TNPO1: variants seen among roughly 807,000 people sequenced by gnomAD.
TNPO1 encodes transportin-1.
A neutral mutation model predicts 119.5 loss-of-function variants in TNPO1; 8 were observed. The ratio of observed to expected loss-of-function variants is 0.07; its 90% CI spans 0.04 to 0.12. The LOEUF (loss-of-function observed/expected upper bound fraction) is 0.12, where lower values mean the gene tolerates loss of function less well. TNPO1 is among the 10% of genes least tolerant of loss of function. The probability of loss-of-function intolerance (pLI) is 1.00; values close to 1 mark genes in which losing one functional copy is unlikely to be tolerated. For synonymous variants in TNPO1, 362 were observed against 363.0 expected, an observed-to-expected ratio of 1.00 and a Z score of 0.03; for missense variants, 576 against 1,089.8, an observed-to-expected ratio of 0.53 and a Z score of 6.64.
In TNPO1 at chr5:72,914,298, A is replaced by G. The variant is rs1394489570; in HGVS notation, c.*5625A>G. 1 of 152,630 alleles carries G rather than the reference A, an allele frequency of 6.6e-6. No homozygotes were observed. Among genetic ancestry groups the G allele is most frequent in the Non-Finnish European group, 1.5e-5 (1 of 68,012 alleles). 9.5% of individuals were successfully genotyped at this position (152,630 alleles called of 1,614,324 possible). A position where few individuals can be genotyped will look rare whatever the true frequency, so the allele number is the denominator to read the frequency against. On this transcript the variant is annotated 3_prime_UTR_variant, in exon 25 of 25. Coordinates refer to ENST00000337273, the MANE Select transcript of TNPO1 (RefSeq NM_002270.4). ...ATGCAGAGAATATATATTGTACTGTAGTAATTTTGTATTTACATTTGTATG... is the reference window on the plus strand; with the variant it reads ...ATGCAGAGAATATATATTGTACTGTGGTAATTTTGTATTTACATTTGTATG...
chr5:72,893,300 G>T, intron 16 of TNPO1, 54 bp downstream of exon 16: 2 of 1,605,028 alleles, frequency 1.2e-6, no homozygotes, highest in Non-Finnish European at 8.5e-7. Context: ...TTTTTCTAAA[G>T]ATAGGTATAA....
At chr5:72,822,859 C>CTGGGATTA (rs1287563860) in intron 1 of TNPO1, among the ~76,000 whole-genome samples, 1 of 148,318 alleles carries the variant, frequency 6.7e-6, no homozygotes, top group Non-Finnish European at 1.5e-5. Context: ...TCCCAAAGTG[C>CTGGGATTA]TGGGATTACA....
intron 8 of TNPO1, among the ~76,000 whole-genome samples, chr5:72,876,506 A>C (rs1747786024): frequency 6.6e-6 from 1 of 152,220 alleles, no homozygotes; most frequent in Admixed American, 6.5e-5. Flanking sequence ...ATGAAAAATT[A>C]TCTTTATAAT....
chr5:72,838,242 G>A (rs997655494), intron 1 of TNPO1, among the ~76,000 whole-genome samples: 1 of 152,110 alleles, frequency 6.6e-6, no homozygotes, highest in African/African-American at 2.4e-5. Context: ...ACTTAATAAA[G>A]GATAGCTTTG....
At chr5:72,851,983 A>G (rs1343619922) in intron 3 of TNPO1, among the ~76,000 whole-genome samples, 1 of 152,206 alleles carries the variant, frequency 6.6e-6, no homozygotes, top group Non-Finnish European at 1.5e-5. Flanking sequence ...AAAAAATTGA[A>G]AGGTCATATA....
intron 21 of TNPO1, among the ~76,000 whole-genome samples, chr5:72,900,340 T>G (rs72764821): frequency 0.11 from 16,923 of 152,244 alleles, 1,190 homozygotes; most frequent in Non-Finnish European, 0.16. Context: ...AAAGCTTGAT[T>G]ATACATAAAA....
rs753886034 is a variant in TNPO1 at position 72,896,436 on chromosome 5, ATAGTT to A, written c.2144-19_2144-15del. The A allele has an allele frequency of 2.5e-6, 4 of 1,577,408 alleles. No individual in the cohort carries two copies. The African/African-American group carries it at 5.4e-5, about 21-fold the overall frequency. ...ATACTGCTATTGAAAAGTTTACTACATAGTTTAAATTTTTTTTCTAGCTGATTTCA... is the reference window on the plus strand; with the variant it reads ...ATACTGCTATTGAAAAGTTTACTACATAAATTTTTTTTCTAGCTGATTTCA... On this transcript the variant is annotated splice_polypyrimidine_tract_variant and intron_variant, in intron 18 of 24. Transcript: ENST00000337273.
chr5:72,881,276 A>G (rs1215383492), intron 9 of TNPO1, among the ~76,000 whole-genome samples: 2 of 152,038 alleles, frequency 1.3e-5, no homozygotes, highest in African/African-American at 4.8e-5. Context: ...ACGTCCAGCT[A>G]ATTTTTGTAT....
At chr5:72,844,292 A>G (rs1745035331) in intron 1 of TNPO1, among the ~76,000 whole-genome samples, 1 of 152,256 alleles carries the variant, frequency 6.6e-6, no homozygotes, top group African/African-American at 2.4e-5. Flanking sequence ...AATAGTATCC[A>G]GTATCAATCA....
chr5:72,899,781 G>T (rs1209361509), intron 20 of TNPO1, among the ~76,000 whole-genome samples: 1 of 151,822 alleles, frequency 6.6e-6, no homozygotes, highest in African/African-American at 2.4e-5. Context: ...AATTCCTTTT[G>T]TTTTTCTTTT....
chr5:72,872,749 C>A, intron 7 of TNPO1, 29 bp downstream of exon 7: 6 of 1,505,164 alleles, frequency 4.0e-6, no homozygotes, highest in Non-Finnish European at 4.5e-6. Context: ...TCCCTCCCAA[C>A]CCCCCAGCTT....
intron 20 of TNPO1, among the ~76,000 whole-genome samples, chr5:72,897,636 T>A (rs993400816): frequency 9.0e-6 from 1 of 110,628 alleles, no homozygotes; most frequent in African/African-American, 3.2e-5. Flanking sequence ...TTTAATTTAT[T>A]TTTTTTTTTT....
At chr5:72,906,275 C>CTTTTTTTTTTTTTTTTTTTTTT (rs869051297) in intron 24 of TNPO1, among the ~76,000 whole-genome samples, 1 of 54,674 alleles carries the variant, frequency 1.8e-5, no homozygotes, top group Non-Finnish European at 3.4e-5. Context: ...TTTTTTTTTT[C>CTTTTTTTTTTTTTTTTTTTTTT]TTTTTTTTTT....
chr5:72,892,660 A>G (rs780336488), intron 15 of TNPO1, among the ~76,000 whole-genome samples: 3 of 152,146 alleles, frequency 2.0e-5, no homozygotes, highest in Non-Finnish European at 4.4e-5. Flanking sequence ...CATATGGCCT[A>G]TGCACCTCCT....
At chr5:72,866,784 CA>C (rs1173075788) in intron 6 of TNPO1, among the ~76,000 whole-genome samples, 2 of 151,952 alleles carry the variant, frequency 1.3e-5, no homozygotes, top group Non-Finnish European at 1.5e-5. Context: ...ATTCAAAAAT[CA>C]TATTTCTGGT....
chr5:72,838,831 T>C (rs572321139), intron 1 of TNPO1, among the ~76,000 whole-genome samples: 3 of 152,168 alleles, frequency 2.0e-5, no homozygotes, highest in Non-Finnish European at 2.9e-5. Flanking sequence ...ACCCAATTCT[T>C]AACATTTACT....
intron 6 of TNPO1, among the ~76,000 whole-genome samples, chr5:72,867,385 G>A (rs956336838): frequency 2.6e-5 from 3 of 113,626 alleles, no homozygotes; most frequent in South Asian, 6.1e-4. Flanking sequence ...ACTCTTAAGC[G>A]TTCTCTCTCA....
chr5:72,866,851 T>G (rs1746943382), intron 6 of TNPO1, among the ~76,000 whole-genome samples: 1 of 152,142 alleles, frequency 6.6e-6, no homozygotes, highest in African/African-American at 2.4e-5. Flanking sequence ...TCACGATTTT[T>G]ATTTTGTAGA....
At chr5:72,889,702 A>G in intron 13 of TNPO1, 84 bp from the exon 14 acceptor site, 1 of 1,442,606 alleles carries the variant, frequency 6.9e-7, no homozygotes, top group Non-Finnish European at 9.3e-7. Flanking sequence ...CTGATTGGGT[A>G]AAACAGAACA....
Sources: allele counts gnomAD v4.1 joint callset (sites outside exome capture counted in the v4.1 genomes callset), GRCh38; gene constraint gnomAD v4.1.1; transcripts MANE v1.5; gene names NCBI Gene and HGNC (gene_info 2026-07-23, HGNC 2026-07-21).